DOCK2: variants seen among roughly 807,000 people sequenced by gnomAD.
DOCK2 encodes the protein dedicator of cytokinesis 2.
In DOCK2, 87 loss-of-function variants were observed where a neutral mutation model predicts 248.9. The ratio of observed to expected loss-of-function variants is 0.35; its 90% CI spans 0.29 to 0.42. The LOEUF is 0.42. Among genes scored for constraint, DOCK2 ranks in the 10% least tolerant of loss-of-function variants. The pLI is 1.00. For synonymous variants in DOCK2, 805 were observed against 821.6 expected (o/e 0.98, Z 0.35); for missense variants, 1,747 against 2,300.2 (o/e 0.76, Z 4.92).
At chr5:169,700,181 G>A (rs777464169) in intron 13 of DOCK2, 42 bp downstream of exon 13, 8 of 1,592,248 alleles carry the variant, frequency 5.0e-6, no homozygotes, top group Non-Finnish European at 6.8e-6. Flanking sequence ...GGACATAGGG[G>A]CCAATTCAGC....
rs1467418040 is a variant in DOCK2, at chr5:170,041,269, C to G, written c.3756+124C>G. The G allele has an allele frequency of 2.2e-5, 19 of 849,444 alleles. No homozygotes were observed. The South Asian group carries it at 2.8e-4, about 12-fold the overall frequency. The allele number at this position is 849,444 out of a possible 1,614,324, so 52.6% of individuals were successfully genotyped here. A position where few individuals can be genotyped will look rare whatever the true frequency, so the allele number is the denominator to read the frequency against. ...AATATTTTGTTTTGCCCTGTGTCTC[C>G]AAACTCTTGAGCTGGCAGGATACTT... On this transcript the variant is annotated intron_variant, in intron 37 of 51. Coordinates refer to ENST00000520908, the MANE Select transcript of DOCK2 (RefSeq NM_004946.3).
intron 25 of DOCK2, among the ~76,000 whole-genome samples, chr5:169,794,144 G>C (rs900400664): frequency 6.6e-6 from 1 of 152,030 alleles, no homozygotes; most frequent in South Asian, 2.1e-4. Flanking sequence ...TGGAACCACC[G>C]AAAGCGCAGT....
Position 169,763,280 on chromosome 5 carries a change from T to C in DOCK2, c.2554+1655T>C, listed in dbSNP as rs112496442. On this transcript the variant is annotated intron_variant, in intron 25 of 51. Transcript: ENST00000520908. The surrounding 1 kb of genome is among the most constrained non-coding windows in gnomAD (Gnocchi z 4.1). ...CCCTCACCCCAAAAGCATTGAAATA[T>C]GTCTGCCCCTTCCTGCCCTGGAAGC... Among the ~76,000 whole-genome samples, 78 of 152,326 alleles carry C rather than the reference T, an allele frequency of 5.1e-4. No homozygotes were observed. Among genetic ancestry groups the C allele is most frequent in the African/African-American group, 1.7e-3 (72 of 41,580 alleles).
intron 33 of DOCK2, among the ~76,000 whole-genome samples, chr5:170,025,506 C>T (rs1232899675): frequency 6.6e-6 from 1 of 152,190 alleles, no homozygotes; most frequent in African/African-American, 2.4e-5. Flanking sequence ...CCCAAGATGG[C>T]AGAGGGAAGC....
intron 47 of DOCK2, 63 bp from the exon 48 acceptor site, chr5:170,077,647 C>G: frequency 6.3e-7 from 1 of 1,596,990 alleles, no homozygotes; most frequent in Non-Finnish European, 8.5e-7. Context: ...AAGAAGGTGA[C>G]AGGAAGGCTG....
intron 26 of DOCK2, among the ~76,000 whole-genome samples, chr5:169,805,712 A>G (rs1767316488): frequency 6.6e-6 from 1 of 152,194 alleles, no homozygotes; most frequent in South Asian, 2.1e-4. Flanking sequence ...CTGACATCAG[A>G]CACTGGTGAG....
chr5:169,899,261 T>C (rs1340186484), intron 27 of DOCK2, among the ~76,000 whole-genome samples: 1 of 152,170 alleles, frequency 6.6e-6, no homozygotes, highest in East Asian at 1.9e-4. Context: ...GCCCAGACAG[T>C]ATGGCTCATT....
chr5:170,033,900 G>A (rs1464270976), intron 34 of DOCK2, among the ~76,000 whole-genome samples: 3 of 152,096 alleles, frequency 2.0e-5, no homozygotes, highest in African/African-American at 7.2e-5. Context: ...ATTCCATTTG[G>A]TGAATATACT....
chr5:169,893,141 A>G (rs567474045), intron 27 of DOCK2, among the ~76,000 whole-genome samples: 21 of 152,096 alleles, frequency 1.4e-4, no homozygotes, highest in Non-Finnish European at 2.5e-4. Flanking sequence ...AAGGGTGGGG[A>G]ATCAGCATCT....
At chr5:169,915,672 C>T (rs566454067) in intron 27 of DOCK2, among the ~76,000 whole-genome samples, 4 of 151,780 alleles carry the variant, frequency 2.6e-5, no homozygotes, top group African/African-American at 9.7e-5. Context: ...CACTGATGTT[C>T]ATTATTTAGA....
chr5:169,753,420 T>C (rs1764018586), intron 23 of DOCK2, among the ~76,000 whole-genome samples: 1 of 146,652 alleles, frequency 6.8e-6, no homozygotes, highest in Non-Finnish European at 1.5e-5. Context: ...TTATTCTTGC[T>C]CTCCCACTTA....
At position 169,702,691 on chromosome 5, in the gene DOCK2, A is replaced by G. The variant is rs968446489; in HGVS notation, c.1383+264A>G. 1,153 of 242,044 alleles carry G rather than the reference A, an allele frequency of 4.8e-3. 52 individuals carry two copies. In the East Asian group the frequency reaches 0.092, roughly 19 times the overall value. 15.0% of individuals were successfully genotyped at this position (242,044 alleles called of 1,614,324 possible). Reference sequence around the variant, plus strand: ...TCTTCTTGTATGTATGTATGTATGTATGTATGTATTTATTTATTTATTTAC... The same window carrying G: ...TCTTCTTGTATGTATGTATGTATGTGTGTATGTATTTATTTATTTATTTAC... On this transcript the variant is annotated intron_variant, in intron 14 of 51. Transcript: ENST00000520908.
At chr5:169,777,781 A>T (rs933093324) in intron 25 of DOCK2, among the ~76,000 whole-genome samples, 4 of 152,212 alleles carry the variant, frequency 2.6e-5, no homozygotes, top group African/African-American at 9.7e-5. Context: ...GGTCCTTAGT[A>T]AGGACTCATA....
rs769735952 is a variant in DOCK2, at chr5:170,008,559, G to A, written c.3135G>A (p.Glu1045=). The A allele has an allele frequency of 1.2e-6, 2 of 1,614,120 alleles. No individual in the cohort carries two copies. Among genetic ancestry groups the A allele is most frequent in the East Asian group, 2.2e-5 (1 of 44,876 alleles). Residue 1045 remains glutamate, a synonymous_variant, in exon 31 of 52, where the codon GAG becomes GAA. Transcript: ENST00000520908. Reference sequence around the variant, plus strand: ...TCACCCAGGATTCTCTGCAGCTGGAGCAGTTCTCACACGCCAAATACAACA... The same window carrying A: ...TCACCCAGGATTCTCTGCAGCTGGAACAGTTCTCACACGCCAAATACAACA... ...AFITQDSLQL[E]QFSHAKYNKI... is the part of the protein sequence containing the mutation.
chr5:170,018,887 C>T (rs963916710), intron 32 of DOCK2, 73 bp from the exon 33 acceptor site: 7 of 1,543,102 alleles, frequency 4.5e-6, no homozygotes, highest in Admixed American at 4.1e-5. Flanking sequence ...TTTTTCTTTC[C>T]CCAGGCTTGG....
Position 170,067,537 on chromosome 5 carries a change from A to G in DOCK2, c.4495A>G (p.Ile1499Val), listed in dbSNP as rs751905539. Residue 1499 changes from isoleucine to valine, a missense_variant, in exon 45 of 52, where the codon ATA (isoleucine) becomes GTA (valine). Physicochemically the swap from Ile to Val is conservative, Grantham distance 29. Coordinates refer to ENST00000520908, the MANE Select transcript of DOCK2 (RefSeq NM_004946.3). ...QTTISPLENA[I>V]ETMSTANEKI... is the part of the protein sequence containing the mutation. ...CACAATTAGTCCTCTGGAGAATGCCATAGAAACCATGTCCACGGCCAATGA... is the reference window on the plus strand; with the variant it reads ...CACAATTAGTCCTCTGGAGAATGCCGTAGAAACCATGTCCACGGCCAATGA... 3.7e-6 allele frequency: 6 copies of G among 1,614,088 alleles called. No homozygotes were observed. In the African/African-American group the frequency reaches 4.0e-5, roughly 11 times the overall value.
At chr5:169,720,375 C>T (rs1287444149) in intron 22 of DOCK2, among the ~76,000 whole-genome samples, 2 of 152,154 alleles carry the variant, frequency 1.3e-5, no homozygotes, top group Admixed American at 6.5e-5. Flanking sequence ...ACTTCTCAGA[C>T]CTTTTCAGTT....
intron 27 of DOCK2, among the ~76,000 whole-genome samples, chr5:169,922,064 T>G (rs1206144466): frequency 1.3e-5 from 2 of 152,264 alleles, no homozygotes; most frequent in African/African-American, 4.8e-5. Context: ...CTTTCTATTC[T>G]GCTCATTTCC....
chr5:170,033,741 C>A (rs1034976812), intron 34 of DOCK2, among the ~76,000 whole-genome samples: 1 of 152,202 alleles, frequency 6.6e-6, no homozygotes, highest in Non-Finnish European at 1.5e-5. Context: ...TAGAATAACA[C>A]CCTGGCCATG....
Sources: allele counts gnomAD v4.1 joint callset (sites outside exome capture counted in the v4.1 genomes callset), GRCh38; gene constraint gnomAD v4.1.1; non-coding constraint Gnocchi (gnomAD v3.1); transcripts MANE v1.5; gene names NCBI Gene and HGNC (gene_info 2026-07-23, HGNC 2026-07-21).